Variants in MTSS2 observed in about 807,000 individuals in gnomAD.
MTSS2 encodes the protein MTSS I-BAR domain containing 2, also known as protein MTSS 2.
MTSS2 carries 27 observed loss-of-function variants against 67.1 expected under a neutral mutation model. The observed-to-expected ratio is 0.40, with a 90% CI of 0.30 to 0.55. The LOEUF is 0.55. Among genes scored for constraint, MTSS2 ranks in the 20% least tolerant of loss-of-function variants. The probability of loss-of-function intolerance (pLI) is 0.43; values close to 1 mark genes in which losing one functional copy is unlikely to be tolerated. For synonymous variants in MTSS2, 624 were observed against 468.6 expected, an observed-to-expected ratio of 1.33 and a Z score of -4.28; for missense variants, 1,171 against 1,067.8, an observed-to-expected ratio of 1.10 and a Z score of -1.35.
rs765122516 is a variant in MTSS2 at position 70,665,104 on chromosome 16, G to T, written c.1129-8C>A. 8.8e-6 allele frequency: 14 copies of T among 1,589,188 alleles called. No individual in the cohort carries two copies. Among genetic ancestry groups the T allele is most frequent in the Non-Finnish European group, 1.2e-5 (14 of 1,175,132 alleles). ...GCCGACCTTGGACCAGTCCTGCAGGGAGGGTGTGGCAGGTCAGGGGGACCA... is the reference window on the plus strand; with the variant it reads ...GCCGACCTTGGACCAGTCCTGCAGGTAGGGTGTGGCAGGTCAGGGGGACCA... On this transcript the variant is annotated splice_polypyrimidine_tract_variant and splice_region_variant and intron_variant, in intron 12 of 14. Coordinates refer to ENST00000338779, the MANE Select transcript of MTSS2 (RefSeq NM_138383.3).
rs2053184224 is a variant in MTSS2, at chr16:70,678,273, G to T, written c.603C>A (p.Ile201=). 1 of 1,610,876 alleles carries T rather than the reference G, an allele frequency of 6.2e-7. No homozygotes were observed. The highest frequency in any genetic ancestry group is 8.5e-7 in the Non-Finnish European group (1 of 1,179,412). The change falls in exon 8 of 15, where the codon ATC becomes ATA. Residue 201 remains isoleucine, a synonymous_variant. Coordinates refer to ENST00000338779, the MANE Select transcript of MTSS2 (RefSeq NM_138383.3). ...CCACCACCACAGGCTGCAGGAAGGT[G>T]ATGAAGGTGCAGAAGCGGCCCCGCT... ...IEERGRFCTF[I]TFLQPVVNGE...
intron 10 of MTSS2, among the ~76,000 whole-genome samples, chr16:70,675,049 G>A (rs940531644): frequency 2.6e-5 from 4 of 151,998 alleles, no homozygotes; most frequent in African/African-American, 7.2e-5. Flanking sequence ...GGAGGCGGAG[G>A]TTGCAGTGAG....
intron 11 of MTSS2, among the ~76,000 whole-genome samples, chr16:70,669,278 A>C (rs1337038587): frequency 6.6e-6 from 1 of 152,244 alleles, no homozygotes; most frequent in African/African-American, 2.4e-5. Flanking sequence ...TATCTGCAAT[A>C]CTAAAAAGTT....
Position 70,674,450 on chromosome 16 carries a change from G to A in MTSS2, c.909C>T (p.Ser303=), listed in dbSNP as rs769786397. The change falls in exon 11 of 15, where the codon TCC becomes TCT. Residue 303 remains serine, a synonymous_variant. Coordinates refer to ENST00000338779, the MANE Select transcript of MTSS2 (RefSeq NM_138383.3). ...GCGCCAGGCTGCGGTAGCGACAGGT[G>A]GAACTGGGTGAGTATGTTTGGGCAC... ...PGGAQTYSPS[S]TCRYRSLAQP... The A allele has an allele frequency of 3.7e-6, 6 of 1,614,078 alleles. No individual in the cohort carries two copies. The highest frequency in any genetic ancestry group is 5.1e-6 in the Non-Finnish European group (6 of 1,180,044).
chr16:70,676,843 C>T (rs371175896), intron 10 of MTSS2, 38 bp downstream of exon 10: 2 of 1,573,584 alleles, frequency 1.3e-6, no homozygotes, highest in African/African-American at 2.7e-5. Context: ...TCTTGGGATA[C>T]CGCCCCCCAC....
chr16:70,679,122 C>G (rs529320598), intron 7 of MTSS2, among the ~76,000 whole-genome samples, 193 bp downstream of exon 7: 2 of 152,100 alleles, frequency 1.3e-5, no homozygotes, highest in African/African-American at 4.8e-5. Context: ...AGCAGTGGCC[C>G]GGGACTCATC....
At chr16:70,672,788 AAGAT>A (rs2052986603) in intron 11 of MTSS2, among the ~76,000 whole-genome samples, 1 of 152,128 alleles carries the variant, frequency 6.6e-6, no homozygotes. Flanking sequence ...AGAGATGCCT[AAGAT>A]AGAAAGAGAG....
In MTSS2 at chr16:70,663,537, G is replaced by T; in HGVS notation, c.*140C>A. On this transcript the variant is annotated 3_prime_UTR_variant, in exon 15 of 15. Coordinates refer to ENST00000338779, the MANE Select transcript of MTSS2 (RefSeq NM_138383.3). ...GTTTAAATGCTGGAATCCAAGTGAG[G>T]TGTCTTTCCATAAAGTGGCATGGCC... 1 of 1,375,878 alleles carries T rather than the reference G, an allele frequency of 7.3e-7. No homozygotes were observed. 85.2% of individuals were successfully genotyped at this position (1,375,878 alleles called of 1,614,324 possible). A position where few individuals can be genotyped will look rare whatever the true frequency, so the allele number is the denominator to read the frequency against.
At chr16:70,677,669 G>T in intron 9 of MTSS2, 123 bp downstream of exon 9, 1 of 736,266 alleles carries the variant, frequency 1.4e-6, no homozygotes, top group East Asian at 2.7e-5. Context: ...AAGGGGTCTG[G>T]TCTTATGCCC....
rs758696907 is a variant in MTSS2, at chr16:70,674,265, GC to G, written c.1053+40del. 1.1e-5 allele frequency: 17 copies of G among 1,584,758 alleles called. No homozygotes were observed. The African/African-American group carries it at 2.3e-4, about 21-fold the overall frequency. On this transcript the variant is annotated intron_variant, in intron 11 of 14. Coordinates refer to ENST00000338779, the MANE Select transcript of MTSS2 (RefSeq NM_138383.3). ...GCTTGCCTGATGCTGGCATAAGGCT[GC>G]TGCACCCCACCCTGACTGATCCTCC... is the stretch of plus-strand genomic sequence containing the variant.
In MTSS2 at chr16:70,679,300, C is replaced by T. The variant is rs777847871; in HGVS notation, c.466+15G>A. The T allele has an allele frequency of 1.2e-6, 2 of 1,613,694 alleles. No individual in the cohort carries two copies. The highest frequency in any genetic ancestry group is 1.3e-5 in the African/African-American group (1 of 74,874). Reference sequence around the variant, plus strand: ...GGACGGGAGGAGCAGCTGGAGGGACCGACATTTGACTTACCAAGTAGCTCT... The same window carrying T: ...GGACGGGAGGAGCAGCTGGAGGGACTGACATTTGACTTACCAAGTAGCTCT... On this transcript the variant is annotated intron_variant, in intron 7 of 14. Coordinates refer to ENST00000338779, the MANE Select transcript of MTSS2 (RefSeq NM_138383.3).
intron 1 of MTSS2, among the ~76,000 whole-genome samples, chr16:70,684,903 G>C (rs1175606478): frequency 2.0e-5 from 3 of 152,268 alleles, no homozygotes; most frequent in African/African-American, 7.2e-5. Flanking sequence ...CAGGGGAAGG[G>C]TCCAATAGTC....
At chr16:70,683,260 G>C (rs2053355180) in intron 1 of MTSS2, among the ~76,000 whole-genome samples, 1 of 152,228 alleles carries the variant, frequency 6.6e-6, no homozygotes, top group Admixed American at 6.5e-5. Context: ...CTGAGCCTCA[G>C]TTTCTTCACC....
At chr16:70,671,638 G>A (rs1488721387) in intron 11 of MTSS2, among the ~76,000 whole-genome samples, 6 of 152,150 alleles carry the variant, frequency 3.9e-5, no homozygotes, top group Admixed American at 1.3e-4. Flanking sequence ...GCCAAAATTA[G>A]AGAGCAAAAG....
intron 12 of MTSS2, 138 bp downstream of exon 12, chr16:70,665,328 G>A: frequency 9.8e-7 from 1 of 1,024,544 alleles, no homozygotes; most frequent in Non-Finnish European, 1.4e-6. Flanking sequence ...CAGGTGGCTT[G>A]TCTCTTGGGG....
At chr16:70,677,948 G>A (rs371907907) in intron 8 of MTSS2, 49 bp from the exon 9 acceptor site, 16 of 1,420,188 alleles carry the variant, frequency 1.1e-5, no homozygotes, top group South Asian at 1.0e-4. Flanking sequence ...CCACCTGCCC[G>A]CCTGCCCAGC....
chr16:70,668,858 G>C (rs965192848), intron 11 of MTSS2, among the ~76,000 whole-genome samples: 1 of 152,152 alleles, frequency 6.6e-6, no homozygotes, highest in African/African-American at 2.4e-5. Context: ...CTCCAGAACT[G>C]TGAGCGCTAC....
rs1409970077 is a variant in MTSS2 at position 70,686,010 on chromosome 16, G to A, written c.-219C>T. The A allele has an allele frequency of 6.8e-6, 1 of 147,490 alleles. No individual in the cohort carries two copies. The highest frequency in any genetic ancestry group is 1.5e-5 in the Non-Finnish European group (1 of 66,218). The allele number at this position is 147,490 out of a possible 1,614,324, so 9.1% of individuals were successfully genotyped here. On this transcript the variant is annotated 5_prime_UTR_variant, in exon 1 of 15. Coordinates refer to ENST00000338779, the MANE Select transcript of MTSS2 (RefSeq NM_138383.3). ...AGCGGGGCTGGCGGGCGGCGCGGGG[G>A]GCGCGGCGCGGGCAGCTCGCGGCGC...
intron 10 of MTSS2, among the ~76,000 whole-genome samples, chr16:70,675,675 C>T (rs1224878358): frequency 1.3e-5 from 2 of 152,192 alleles, no homozygotes; most frequent in East Asian, 3.9e-4. Context: ...CTCGGCCTCC[C>T]GAACTGCTGG....
Sources: allele counts gnomAD v4.1 joint callset (sites outside exome capture counted in the v4.1 genomes callset), GRCh38; gene constraint gnomAD v4.1.1; transcripts MANE v1.5; gene names NCBI Gene and HGNC (gene_info 2026-07-23, HGNC 2026-07-21).